Variants in LUZP1 observed in about 807,000 individuals in gnomAD.
LUZP1 encodes the protein filamin mechanobinding actin cross-linking protein.
LUZP1 carries 25 observed loss-of-function variants against 71.3 expected under a neutral mutation model. The ratio of observed to expected loss-of-function variants is 0.35; its 90% CI spans 0.26 to 0.49. The LOEUF (loss-of-function observed/expected upper bound fraction) is 0.49. Ranked by LOEUF, LUZP1 falls within the 20% of genes least tolerant of loss-of-function variation. The pLI is 0.99. For synonymous variants in LUZP1, 481 were observed against 506.4 expected (o/e 0.95, Z 0.67); for missense variants, 1,142 against 1,300.8 (o/e 0.88, Z 1.88).
chr1:23,099,157 A>T (rs1432956984), intron 3 of LUZP1, among the ~76,000 whole-genome samples: 1 of 152,232 alleles, frequency 6.6e-6, no homozygotes, highest in Non-Finnish European at 1.5e-5. Context: ...TTATGTTTTT[A>T]AAAAGAAAGC....
rs375801184 is a variant in LUZP1, at chr1:23,150,690, C to T, written c.-226+18076G>A. On this transcript the variant is annotated intron_variant, in intron 2 of 4. Transcript: ENST00000302291. ...AGATGAAGAAGAGTAATCTAAAGAA[C>T]TTTATGGCTGCAGAGGATGAGGGGA... Among the ~76,000 whole-genome samples the T allele has an allele frequency of 4.6e-5, 7 of 152,214 alleles. No homozygotes were observed. The East Asian group carries it at 9.6e-4, about 21-fold the overall frequency.
chr1:23,103,756 C>CCCCG (rs1276176109), intron 3 of LUZP1, among the ~76,000 whole-genome samples: 4 of 149,256 alleles, frequency 2.7e-5, no homozygotes, highest in Non-Finnish European at 4.4e-5. Context: ...TTGCTGTATT[C>CCCCG]CCCGCCCCTT....
chr1:23,111,431 A>C (rs1014266897), intron 2 of LUZP1, among the ~76,000 whole-genome samples: 2 of 151,968 alleles, frequency 1.3e-5, no homozygotes, highest in Non-Finnish European at 2.9e-5. Context: ...ATGGTGATGC[A>C]CACCTATAGT....
chr1:23,099,334 T>A (rs373535758), intron 3 of LUZP1, among the ~76,000 whole-genome samples: 1 of 152,178 alleles, frequency 6.6e-6, no homozygotes, highest in Non-Finnish European at 1.5e-5. Context: ...ATCGTAGTCA[T>A]TGGAAGACAA....
intron 2 of LUZP1, among the ~76,000 whole-genome samples, chr1:23,148,201 C>A (rs780828133): frequency 2.0e-5 from 3 of 152,146 alleles, no homozygotes; most frequent in Non-Finnish European, 4.4e-5. Flanking sequence ...CGACCCGGAA[C>A]CTTCAGACTG....
chr1:23,093,524 G>T lies in LUZP1; in HGVS notation c.738C>A (p.Ile246=). Residue 246 remains isoleucine, a synonymous_variant, in exon 4 of 5, where the codon ATC becomes ATA. Transcript: ENST00000302291. This position sits in a 1 kb window ranked among gnomAD's most constrained non-coding sequence, Gnocchi z 4.2. ...ATTCTTTGGACGGCAGTGTGGAAGA[G>T]ATGCCATCCTCAATCCGTAGGTCAT... 2 of 1,613,692 alleles carry T rather than the reference G, an allele frequency of 1.2e-6. No individual in the cohort carries two copies. The highest frequency in any genetic ancestry group is 1.7e-6 in the Non-Finnish European group (2 of 1,179,934).
intron 2 of LUZP1, among the ~76,000 whole-genome samples, chr1:23,164,584 A>G (rs893707111): frequency 6.6e-6 from 1 of 152,208 alleles, no homozygotes; most frequent in African/African-American, 2.4e-5. Context: ...TTCTTCTAGA[A>G]GCTCACTAGC....
chr1:23,138,630 T>C (rs867479707), intron 2 of LUZP1, among the ~76,000 whole-genome samples: 1 of 151,464 alleles, frequency 6.6e-6, no homozygotes, highest in African/African-American at 2.4e-5. Flanking sequence ...ATTATACACA[T>C]AAAATGATTT....
chr1:23,113,411 C>CAA (rs1644050349), intron 2 of LUZP1, among the ~76,000 whole-genome samples: 1 of 151,058 alleles, frequency 6.6e-6, no homozygotes, highest in Non-Finnish European at 1.5e-5. Context: ...TGTCTCAAAA[C>CAA]AAAACAAAAC....
exon 5 of LUZP1, chr1:23,088,634 C>A: frequency 2.6e-6 from 1 of 385,670 alleles, no homozygotes; most frequent in Non-Finnish European, 4.7e-6. Flanking sequence ...AATGGTCCAA[C>A]TACTTGGTGG....
At chr1:23,113,802 TC>T (rs1441735395) in intron 2 of LUZP1, among the ~76,000 whole-genome samples, 2 of 150,446 alleles carry the variant, frequency 1.3e-5, no homozygotes, top group African/African-American at 4.9e-5. Flanking sequence ...ATCGCCTGAA[TC>T]CGGGAGGCAG....
intron 3 of LUZP1, among the ~76,000 whole-genome samples, chr1:23,100,104 C>T (rs1225481951): frequency 6.6e-6 from 1 of 152,206 alleles, no homozygotes; most frequent in Non-Finnish European, 1.5e-5. Flanking sequence ...GAACCTATCA[C>T]ACTCTATTGC....
intron 4 of LUZP1, among the ~76,000 whole-genome samples, chr1:23,089,645 T>G (rs892156064): frequency 2.0e-5 from 3 of 151,990 alleles, no homozygotes; most frequent in South Asian, 2.1e-4. Flanking sequence ...CGGGCTGGAG[T>G]GCAGTGGCGC....
At chr1:23,175,855 C>G (rs1188929807) in intron 1 of LUZP1, among the ~76,000 whole-genome samples, 1 of 152,106 alleles carries the variant, frequency 6.6e-6, no homozygotes, top group Non-Finnish European at 1.5e-5. Flanking sequence ...GGGTGGGGAC[C>G]TAACTGAATT....
intron 2 of LUZP1, among the ~76,000 whole-genome samples, chr1:23,168,209 C>G (rs1644526234): frequency 6.8e-6 from 1 of 146,228 alleles, no homozygotes; most frequent in South Asian, 2.1e-4. Context: ...CACGCCGGCC[C>G]GACGCGCTCC....
intron 2 of LUZP1, among the ~76,000 whole-genome samples, chr1:23,137,702 G>C (rs1275279794): frequency 6.6e-6 from 1 of 151,982 alleles, no homozygotes; most frequent in Non-Finnish European, 1.5e-5. Context: ...AAAAAAGACA[G>C]ACAATAACAA....
chr1:23,158,123 A>T (rs969317296), intron 2 of LUZP1, among the ~76,000 whole-genome samples: 1 of 152,240 alleles, frequency 6.6e-6, no homozygotes, highest in African/African-American at 2.4e-5. Context: ...GTGTAAAAGC[A>T]GTCAAATGAT....
At chr1:23,157,789 TCAAAA>T (rs769591472) in intron 2 of LUZP1, among the ~76,000 whole-genome samples, 52 of 149,292 alleles carry the variant, frequency 3.5e-4, no homozygotes, top group African/African-American at 9.7e-4. Context: ...AGACTCCATC[TCAAAA>T]CAAAACAAAA....
intron 2 of LUZP1, among the ~76,000 whole-genome samples, chr1:23,163,450 G>A (rs1013139441): frequency 2.0e-5 from 3 of 151,346 alleles, no homozygotes; most frequent in South Asian, 2.1e-4. Flanking sequence ...CCAGCTAATC[G>A]GAGGCTGAGG....
Sources: allele counts gnomAD v4.1 joint callset (sites outside exome capture counted in the v4.1 genomes callset), GRCh38; gene constraint gnomAD v4.1.1; non-coding constraint Gnocchi (gnomAD v3.1); transcripts MANE v1.5; gene names NCBI Gene and HGNC (gene_info 2026-07-23, HGNC 2026-07-21).